The following GLE1 variants were observed in gnomAD, a reference collection of about 807,000 sequenced individuals.
The protein encoded by GLE1 is GLE1 RNA export mediator.
GLE1 carries 78 observed loss-of-function variants against 97.3 expected under a neutral mutation model. The ratio of observed to expected loss-of-function variants is 0.80; its 90% CI spans 0.67 to 0.97. The LOEUF (loss-of-function observed/expected upper bound fraction) is 0.97. Among genes scored for constraint, GLE1 ranks in the 50% least tolerant of loss-of-function variants. The probability of loss-of-function intolerance (pLI) is 0.00; values close to 1 mark genes in which losing one functional copy is unlikely to be tolerated. For synonymous variants in GLE1, 302 were observed against 313.4 expected, an observed-to-expected ratio of 0.96 and a Z score of 0.39; for missense variants, 753 against 857.5, an observed-to-expected ratio of 0.88 and a Z score of 1.52.
chr9:128,519,355 A>T (rs1314099071), intron 3 of GLE1, among the ~76,000 whole-genome samples: 1 of 152,198 alleles, frequency 6.6e-6, no homozygotes, highest in African/African-American at 2.4e-5. Flanking sequence ...CAAATGGGAG[A>T]AATATCGCTG....
chr9:128,520,322 A>ATATATGTGTATATATG (rs1847108602), intron 3 of GLE1, among the ~76,000 whole-genome samples: 4 of 147,638 alleles, frequency 2.7e-5, no homozygotes, highest in Admixed American at 6.9e-5. Flanking sequence ...GTATATATGT[A>ATATATGTGTATATATG]TATGTGTGTA....
In GLE1 at chr9:128,527,329, G is replaced by A. The variant is rs367800951; in HGVS notation, c.1242+38G>A. The A allele has an allele frequency of 9.6e-5, 129 of 1,350,036 alleles. No homozygotes were observed. The Middle Eastern group carries it at 1.8e-3, about 19-fold the overall frequency. 83.6% of individuals were successfully genotyped at this position (1,350,036 alleles called of 1,614,324 possible). Reference sequence around the variant, plus strand: ...TATATGGCAGTAATTTTGTGGACTTGATGGTTCTCAGAGAATGATCACTTC... The same window carrying A: ...TATATGGCAGTAATTTTGTGGACTTAATGGTTCTCAGAGAATGATCACTTC... On this transcript the variant is annotated intron_variant, in intron 8 of 15. Transcript: ENST00000309971.
At chr9:128,511,958 C>G (rs1846837920) in intron 2 of GLE1, among the ~76,000 whole-genome samples, 2 of 152,042 alleles carry the variant, frequency 1.3e-5, no homozygotes, top group Admixed American at 6.6e-5. Context: ...ATTATAGGCG[C>G]CTGCCACCAT....
intron 8 of GLE1, 58 bp downstream of exon 8, chr9:128,527,349 C>T: frequency 7.8e-7 from 1 of 1,274,496 alleles, no homozygotes; most frequent in South Asian, 1.2e-5. Flanking sequence ...AGAGAATGAT[C>T]ACTTCGTGTC....
chr9:128,533,458 AG>A (rs377035925), intron 9 of GLE1, 54 bp from the exon 10 acceptor site: 3 of 1,259,266 alleles, frequency 2.4e-6, no homozygotes, highest in South Asian at 1.3e-5. Flanking sequence ...AAAAAGGAAA[AG>A]AAAAAGAGAT....
rs140273572 is a variant in GLE1 at position 128,519,693 on chromosome 9, C to T, written c.433-2975C>T. ...GTGATCTCGCGATCTCGCCCTGCCTCCATTTGCCTTGTGATATTCTGTTAC... is the reference window on the plus strand; with the variant it reads ...GTGATCTCGCGATCTCGCCCTGCCTTCATTTGCCTTGTGATATTCTGTTAC... On this transcript the variant is annotated intron_variant, in intron 3 of 15. Transcript: ENST00000309971. Among the ~76,000 whole-genome samples, 17 of 152,316 alleles carry T rather than the reference C, an allele frequency of 1.1e-4. No homozygotes were observed. The East Asian group carries it at 3.3e-3, about 29-fold the overall frequency.
chr9:128,537,900 C>A (rs957250559), intron 12 of GLE1, 86 bp from the exon 13 acceptor site: 1 of 789,878 alleles, frequency 1.3e-6, no homozygotes, highest in Non-Finnish European at 2.2e-6. Context: ...GGTTCATTTC[C>A]ACTTGGTAAT....
intron 2 of GLE1, among the ~76,000 whole-genome samples, chr9:128,511,526 T>G (rs976886434): frequency 6.6e-6 from 1 of 150,728 alleles, no homozygotes; most frequent in African/African-American, 2.4e-5. Flanking sequence ...GCTAACACGG[T>G]CAAACCCCTT....
intron 1 of GLE1, among the ~76,000 whole-genome samples, chr9:128,505,691 A>G (rs191780783): frequency 7.2e-5 from 11 of 152,292 alleles, no homozygotes; most frequent in Admixed American, 3.3e-4. Flanking sequence ...ACCCATCCCA[A>G]CACTGGTGAT....
intron 3 of GLE1, among the ~76,000 whole-genome samples, chr9:128,519,606 G>C (rs1847082482): frequency 6.6e-6 from 1 of 152,130 alleles, no homozygotes; most frequent in African/African-American, 2.4e-5. Flanking sequence ...ATCAATGACA[G>C]TGGTGCCTGA....
At chr9:128,515,712 G>C in intron 3 of GLE1, 73 bp downstream of exon 3, 1 of 791,304 alleles carries the variant, frequency 1.3e-6, no homozygotes, top group Non-Finnish European at 2.2e-6. Context: ...CAGGGCGTAG[G>C]AATGGGCACT....
intron 9 of GLE1, chr9:128,528,948 G>C (rs1039676329): frequency 7.2e-5 from 11 of 152,138 alleles, no homozygotes; most frequent in African/African-American, 2.7e-4. Flanking sequence ...TGTGCAACTG[G>C]AACACTCCTC....
At position 128,504,771 on chromosome 9, in the gene GLE1, A is replaced by C; in HGVS notation, c.-35A>C. 1 of 1,368,332 alleles carries C rather than the reference A, an allele frequency of 7.3e-7. No individual in the cohort carries two copies. Among genetic ancestry groups the C allele is most frequent in the South Asian group, 1.2e-5 (1 of 86,186 alleles). 84.8% of individuals were successfully genotyped at this position (1,368,332 alleles called of 1,614,324 possible). ...TGATTCGAGGGCTTGTTTGGTCAGA[A>C]GGGGGGCGTCAGAGAAGCTGCCCCT... On this transcript the variant is annotated 5_prime_UTR_variant, in exon 1 of 16. Coordinates refer to ENST00000309971, the MANE Select transcript of GLE1 (RefSeq NM_001003722.2).
chr9:128,510,624 G>A (rs934715908), intron 2 of GLE1, among the ~76,000 whole-genome samples: 2 of 149,710 alleles, frequency 1.3e-5, no homozygotes, highest in Admixed American at 1.4e-4. Context: ...TGCCTCCTGG[G>A]TTCACGCGGT....
At chr9:128,513,108 T>C (rs1846872476) in intron 2 of GLE1, among the ~76,000 whole-genome samples, 1 of 152,152 alleles carries the variant, frequency 6.6e-6, no homozygotes, top group Non-Finnish European at 1.5e-5. Flanking sequence ...CTGAGGGAAG[T>C]ATTAATTAGT....
At chr9:128,510,199 G>A (rs1056584353) in intron 2 of GLE1, among the ~76,000 whole-genome samples, 8 of 151,242 alleles carry the variant, frequency 5.3e-5, no homozygotes, top group African/African-American at 7.3e-5. Flanking sequence ...CTGGGACTGC[G>A]TGTGGACACC....
intron 9 of GLE1, among the ~76,000 whole-genome samples, chr9:128,529,689 T>TCTCTCC (rs2132485236): frequency 6.6e-6 from 1 of 151,370 alleles, no homozygotes; most frequent in African/African-American, 2.4e-5. Flanking sequence ...TACCCTTTCC[T>TCTCTCC]CTCTCTCTCT....
intron 11 of GLE1, among the ~76,000 whole-genome samples, chr9:128,535,060 G>C (rs1057509144): frequency 5.3e-5 from 8 of 150,102 alleles, no homozygotes; most frequent in Admixed American, 2.7e-4. Context: ...ATAATATATT[G>C]TTATTTTTTA....
At chr9:128,540,621 T>C in intron 15 of GLE1, 1 of 425,340 alleles carries the variant, frequency 2.4e-6, no homozygotes, top group Non-Finnish European at 4.3e-6. Context: ...TTTTTGCATG[T>C]TGGCCAAGGT....
Sources: gnomAD v4.1 joint callset for allele counts (sites outside exome capture counted in the v4.1 genomes callset) on GRCh38, gnomAD v4.1.1 for gene constraint, MANE v1.5 for transcripts, NCBI Gene and HGNC (gene_info 2026-07-23, HGNC 2026-07-21) for gene names.